The following PDE4B variants were observed in gnomAD, a reference collection of about 807,000 sequenced individuals.
PDE4B encodes phosphodiesterase 4B, also known as 3',5'-cyclic-AMP phosphodiesterase 4B.
In PDE4B, 20 loss-of-function variants were observed where a neutral mutation model predicts 82.2. The ratio of observed to expected loss-of-function variants is 0.24; its 90% CI spans 0.17 to 0.35. The LOEUF (loss-of-function observed/expected upper bound fraction) is 0.35. PDE4B is among the 10% of genes least tolerant of loss of function. The pLI is 1.00. For synonymous variants in PDE4B, 320 were observed against 318.9 expected, an observed-to-expected ratio of 1.00 and a Z score of -0.04; for missense variants, 655 against 907.2, an observed-to-expected ratio of 0.72 and a Z score of 3.57.
intron 3 of PDE4B, among the ~76,000 whole-genome samples, chr1:65,969,991 T>C (rs1215943232): frequency 6.6e-6 from 1 of 152,100 alleles, no homozygotes; most frequent in African/African-American, 2.4e-5. Context: ...CAAAAGTTCA[T>C]TTAATAATTC....
At chr1:66,074,537 A>G (rs1656316995) in intron 3 of PDE4B, among the ~76,000 whole-genome samples, 1 of 152,120 alleles carries the variant, frequency 6.6e-6, no homozygotes, top group South Asian at 2.1e-4. Context: ...GGCTTTTAGT[A>G]CATAAACACT....
chr1:66,115,913 C>T (rs1438512830), intron 3 of PDE4B, among the ~76,000 whole-genome samples: 3 of 152,150 alleles, frequency 2.0e-5, no homozygotes, highest in Non-Finnish European at 2.9e-5. Context: ...TGACTTTGTA[C>T]GTAATCCTCC....
chr1:66,014,391 C>T (rs796592373), intron 3 of PDE4B, among the ~76,000 whole-genome samples: 33 of 152,190 alleles, frequency 2.2e-4, no homozygotes, highest in African/African-American at 7.2e-4. Flanking sequence ...ACCTTTTCCC[C>T]TATGTTTCCT....
intron 7 of PDE4B, among the ~76,000 whole-genome samples, chr1:66,302,092 G>C (rs1274680557): frequency 6.6e-6 from 1 of 152,164 alleles, no homozygotes; most frequent in Admixed American, 6.6e-5. Context: ...AAGCTAAACT[G>C]CTTCGAAATT....
At chr1:66,168,072 A>C (rs1020545661) in intron 3 of PDE4B, among the ~76,000 whole-genome samples, 2 of 152,154 alleles carry the variant, frequency 1.3e-5, no homozygotes, top group African/African-American at 4.8e-5. Flanking sequence ...TTTTCATGAA[A>C]ATCACTTCTA....
intron 3 of PDE4B, among the ~76,000 whole-genome samples, chr1:65,926,601 T>G (rs1647514202): frequency 6.6e-6 from 1 of 152,186 alleles, no homozygotes; most frequent in African/African-American, 2.4e-5. Flanking sequence ...TCTTTACTGT[T>G]TTATCTCCCT....
At chr1:65,816,190 A>AGTGTGTGTGTGTGTGT (rs139330007) in intron 1 of PDE4B, among the ~76,000 whole-genome samples, 115 of 132,880 alleles carry the variant, frequency 8.7e-4, no homozygotes, top group African/African-American at 1.8e-3. Context: ...TTATTAATGC[A>AGTGTGTGTGTGTGTGT]GTGTGTGTGT....
chr1:65,838,670 C>T (rs1646173297), intron 1 of PDE4B, among the ~76,000 whole-genome samples: 1 of 149,542 alleles, frequency 6.7e-6, no homozygotes, highest in South Asian at 2.1e-4. Flanking sequence ...TTTTTCCTCC[C>T]ATTTCTTTAT....
chr1:66,216,938 C>A (rs1650508272), intron 3 of PDE4B, among the ~76,000 whole-genome samples: 1 of 152,160 alleles, frequency 6.6e-6, no homozygotes, highest in South Asian at 2.1e-4. Context: ...GAGGACAAAT[C>A]ATGTCCCTAG....
At chr1:65,939,615 A>T (rs1336717600) in intron 3 of PDE4B, among the ~76,000 whole-genome samples, 1 of 152,198 alleles carries the variant, frequency 6.6e-6, no homozygotes, top group Non-Finnish European at 1.5e-5. Context: ...TTACATGAAG[A>T]GAATGCTCAG....
At chr1:65,980,933 A>G (rs757275503) in intron 3 of PDE4B, among the ~76,000 whole-genome samples, 7 of 152,190 alleles carry the variant, frequency 4.6e-5, no homozygotes, top group Non-Finnish European at 8.8e-5. Flanking sequence ...CAAAAATAAA[A>G]TAAAAGAAAT....
At chr1:66,041,599 C>T (rs1235181500) in intron 3 of PDE4B, among the ~76,000 whole-genome samples, 4 of 151,870 alleles carry the variant, frequency 2.6e-5, no homozygotes, top group Admixed American at 2.0e-4. Flanking sequence ...ATTCTCAAGA[C>T]GGGGCTCAAT....
chr1:66,274,107 A>C (rs917582681), intron 7 of PDE4B, among the ~76,000 whole-genome samples: 8 of 152,192 alleles, frequency 5.3e-5, no homozygotes, highest in Admixed American at 5.2e-4. Flanking sequence ...GAACCCAGTT[A>C]ATCCTTCAGA....
intron 3 of PDE4B, among the ~76,000 whole-genome samples, chr1:66,215,715 A>C (rs966938359): frequency 3.9e-5 from 6 of 152,146 alleles, no homozygotes; most frequent in Non-Finnish European, 7.4e-5. Flanking sequence ...GCCATGAACC[A>C]GAGAGAGGCC....
intron 3 of PDE4B, among the ~76,000 whole-genome samples, chr1:66,198,402 TAAAC>T (rs1302401140): frequency 6.6e-6 from 1 of 151,944 alleles, no homozygotes; most frequent in African/African-American, 2.4e-5. Flanking sequence ...ACAAAAAACA[TAAAC>T]AAAAAAATCA....
chr1:65,853,508 T>C (rs1183227706), intron 1 of PDE4B, among the ~76,000 whole-genome samples: 1 of 152,000 alleles, frequency 6.6e-6, no homozygotes, highest in Non-Finnish European at 1.5e-5. Context: ...TATTCTTCAT[T>C]ATTAGCTTAT....
At chr1:66,290,910 C>T (rs1308163520) in intron 7 of PDE4B, among the ~76,000 whole-genome samples, 2 of 152,118 alleles carry the variant, frequency 1.3e-5, no homozygotes, top group Non-Finnish European at 2.9e-5. Flanking sequence ...AAATTGATGG[C>T]TGACTTTAAG....
At chr1:66,090,621 A>ATATATATATATATATATATATATATG in intron 3 of PDE4B, among the ~76,000 whole-genome samples, 4 of 122,732 alleles carry the variant, frequency 3.3e-5, no homozygotes, top group African/African-American at 1.2e-4. Flanking sequence ...TATATAATAT[A>ATATATATATATATATATATATATATG]TGTGTGTGTG....
chr1:66,189,596 T>C (rs1176456194), intron 3 of PDE4B, among the ~76,000 whole-genome samples: 1 of 152,196 alleles, frequency 6.6e-6, no homozygotes, highest in African/African-American at 2.4e-5. Context: ...TCTTCCGTCA[T>C]TGATACCCTC....
Sources: gnomAD v4.1 joint callset for allele counts (sites outside exome capture counted in the v4.1 genomes callset) on GRCh38, gnomAD v4.1.1 for gene constraint, MANE v1.5 for transcripts, NCBI Gene and HGNC (gene_info 2026-07-23, HGNC 2026-07-21) for gene names.